GABRA5: variants seen among roughly 807,000 people sequenced by gnomAD.
The protein encoded by GABRA5 is gamma-aminobutyric acid receptor subunit alpha-5.
A neutral mutation model predicts 47.3 loss-of-function variants in GABRA5; 18 were observed. That is an observed-to-expected ratio of 0.38 (90% CI 0.26 to 0.56). GABRA5 has a LOEUF of 0.56. Among genes scored for constraint, GABRA5 ranks in the 20% least tolerant of loss-of-function variants. The probability of loss-of-function intolerance (pLI) is 0.71; values close to 1 mark genes in which losing one functional copy is unlikely to be tolerated. For synonymous variants in GABRA5, 237 were observed against 229.3 expected (o/e 1.03, Z -0.30); for missense variants, 365 against 599.3 (o/e 0.61, Z 4.08).
intron 7 of GABRA5, among the ~76,000 whole-genome samples, chr15:26,917,553 T>G (rs1182736433): frequency 6.6e-6 from 1 of 152,078 alleles, no homozygotes; most frequent in African/African-American, 2.4e-5. Context: ...TTTTGACCAC[T>G]TTTCATATGA....
chr15:26,906,349 G>T (rs887845278), intron 6 of GABRA5, among the ~76,000 whole-genome samples: 8 of 152,158 alleles, frequency 5.3e-5, no homozygotes, highest in African/African-American at 1.9e-4. Flanking sequence ...TAGGGTCTGT[G>T]TGCATGTTAA....
Position 26,875,136 on chromosome 15 carries a change from G to A in GABRA5, c.87-5710G>A, listed in dbSNP as rs138796946. Among the ~76,000 whole-genome samples the A allele has an allele frequency of 2.0e-3, 308 of 152,328 alleles. 3 individuals carry two copies. Among genetic ancestry groups the A allele is most frequent in the African/African-American group, 7.2e-3 (300 of 41,584 alleles). Reference sequence around the variant, plus strand: ...CAACCTATGCCAAATGCTCAAGCAAGCCCAGGTCTGTGTCAGGGGAGGGTA... The same window carrying A: ...CAACCTATGCCAAATGCTCAAGCAAACCCAGGTCTGTGTCAGGGGAGGGTA... On this transcript the variant is annotated intron_variant, in intron 3 of 10. Transcript: ENST00000335625.
At chr15:26,879,658 T>C (rs1892681036) in intron 3 of GABRA5, among the ~76,000 whole-genome samples, 1 of 152,186 alleles carries the variant, frequency 6.6e-6, no homozygotes, top group Admixed American at 6.5e-5. Flanking sequence ...ATCTGTTAGA[T>C]GCAATCAATA....
chr15:26,909,596 G>A (rs1226645539), intron 6 of GABRA5, among the ~76,000 whole-genome samples: 4 of 152,244 alleles, frequency 2.6e-5, no homozygotes, highest in East Asian at 1.9e-4. Flanking sequence ...TGCCTCTTCC[G>A]GTTTCTAGAG....
intron 10 of GABRA5, among the ~76,000 whole-genome samples, chr15:26,945,311 T>A (rs1894485377): frequency 6.6e-6 from 1 of 152,182 alleles, no homozygotes. Flanking sequence ...CCTACTCGAG[T>A]AAACTGTTCC....
chr15:26,893,168 TGTATGTG>T (rs1363527950), intron 6 of GABRA5, among the ~76,000 whole-genome samples: 26 of 112,462 alleles, frequency 2.3e-4, no homozygotes, highest in Non-Finnish European at 3.8e-4. Flanking sequence ...GTGTGGGGTG[TGTATGTG>T]GTGTGTGGTG....
intron 7 of GABRA5, among the ~76,000 whole-genome samples, chr15:26,934,187 G>A (rs1894177445): frequency 6.8e-6 from 1 of 147,882 alleles, no homozygotes; most frequent in Admixed American, 6.9e-5. Flanking sequence ...GGGAAACAGA[G>A]ATTGCAGTGA....
At chr15:26,924,761 T>A (rs1443623340) in intron 7 of GABRA5, among the ~76,000 whole-genome samples, 1 of 152,156 alleles carries the variant, frequency 6.6e-6, no homozygotes, top group Non-Finnish European at 1.5e-5. Context: ...CTAAAAGGTT[T>A]CTTGTCCTAC....
Position 26,943,435 on chromosome 15 carries a change from T to C in GABRA5, c.1089+9T>C, listed in dbSNP as rs749578040. On this transcript the variant is annotated intron_variant, in intron 10 of 10. Transcript: ENST00000335625. Reference sequence around the variant, plus strand: ...AAGCAGCCAAGATCAAGGTACTGACTATTTCTCCTCCTTTCTTCCAGGTCC... The same window carrying C: ...AAGCAGCCAAGATCAAGGTACTGACCATTTCTCCTCCTTTCTTCCAGGTCC... 5 of 1,573,406 alleles carry C rather than the reference T, an allele frequency of 3.2e-6. No homozygotes were observed. In the South Asian group the frequency reaches 5.8e-5, roughly 18 times the overall value.
At chr15:26,913,043 G>T (rs552352120) in intron 6 of GABRA5, among the ~76,000 whole-genome samples, 2 of 152,222 alleles carry the variant, frequency 1.3e-5, no homozygotes, top group South Asian at 4.1e-4. Context: ...AATTAGCCAG[G>T]TGTGGTGTCA....
chr15:26,902,888 A>G (rs1164160117), intron 6 of GABRA5, among the ~76,000 whole-genome samples: 1 of 152,136 alleles, frequency 6.6e-6, no homozygotes, highest in Non-Finnish European at 1.5e-5. Context: ...TTCTGCATCT[A>G]TTAATATGAA....
chr15:26,944,743 T>C (rs941562497), intron 10 of GABRA5, among the ~76,000 whole-genome samples: 8 of 152,132 alleles, frequency 5.3e-5, no homozygotes, highest in Admixed American at 2.6e-4. Context: ...CACCCTGCAC[T>C]GTGTTGCTGG....
intron 7 of GABRA5, among the ~76,000 whole-genome samples, chr15:26,936,449 T>C (rs1894247106): frequency 6.6e-6 from 1 of 152,214 alleles, no homozygotes; most frequent in Admixed American, 6.5e-5. Flanking sequence ...TTTGTCATGC[T>C]TCTAATCTCT....
intron 7 of GABRA5, among the ~76,000 whole-genome samples, chr15:26,934,115 G>A (rs1201686939): frequency 6.6e-6 from 1 of 152,084 alleles, no homozygotes; most frequent in Non-Finnish European, 1.5e-5. Flanking sequence ...ATCCAGGCAT[G>A]GTGGCAGGTA....
At chr15:26,919,875 G>A (rs1453430668) in intron 7 of GABRA5, among the ~76,000 whole-genome samples, 1 of 151,938 alleles carries the variant, frequency 6.6e-6, no homozygotes, top group Non-Finnish European at 1.5e-5. Context: ...CATTTTTGAA[G>A]GAGAGTTCTG....
intron 4 of GABRA5, among the ~76,000 whole-genome samples, chr15:26,881,943 AC>A (rs1008776881): frequency 2.6e-5 from 4 of 152,082 alleles, no homozygotes; most frequent in African/African-American, 4.8e-5. Context: ...CAGGCGATCC[AC>A]CCACCTCGGC....
Position 26,930,360 on chromosome 15 carries a change from A to G in GABRA5, c.581-6825A>G, listed in dbSNP as rs146013014. Among the ~76,000 whole-genome samples the G allele has an allele frequency of 9.1e-4, 139 of 152,012 alleles. 3 individuals carry two copies. In the East Asian group the frequency reaches 0.024, roughly 26 times the overall value. On this transcript the variant is annotated intron_variant, in intron 7 of 10. Coordinates refer to ENST00000335625, the MANE Select transcript of GABRA5 (RefSeq NM_000810.4). The stretch of plus-strand genomic sequence containing the variant: ...CTTTAAGTCATTTCCCTCTCCTCCC[A>G]TTTTACAATAAGCTATTAGAGAAAC...
chr15:26,934,129 G>A (rs1894175659), intron 7 of GABRA5, among the ~76,000 whole-genome samples: 1 of 151,936 alleles, frequency 6.6e-6, no homozygotes, highest in South Asian at 2.1e-4. Context: ...GCAGGTACCT[G>A]TAATCCCAGC....
chr15:26,905,375 A>C (rs1456297710), intron 6 of GABRA5, among the ~76,000 whole-genome samples: 1 of 151,578 alleles, frequency 6.6e-6, no homozygotes, highest in Non-Finnish European at 1.5e-5. Flanking sequence ...GTTACTTAGG[A>C]TCCCTTGTGC....
Sources: allele counts gnomAD v4.1 joint callset (sites outside exome capture counted in the v4.1 genomes callset), GRCh38; gene constraint gnomAD v4.1.1; transcripts MANE v1.5; gene names NCBI Gene and HGNC (gene_info 2026-07-23, HGNC 2026-07-21).